Variants in CNTN4 observed in about 807,000 individuals in gnomAD.
The protein encoded by CNTN4 is contactin-4.
In CNTN4, 77 loss-of-function variants were observed where a neutral mutation model predicts 122.5. The ratio of observed to expected loss-of-function variants is 0.63; its 90% CI spans 0.52 to 0.76. The LOEUF is 0.76. Ranked by LOEUF, CNTN4 falls within the 30% of genes least tolerant of loss-of-function variation. The pLI is 0.00. For missense variants in CNTN4, 1,256 were observed against 1,259.1 expected (o/e 1.00, Z 0.04); for synonymous variants, 512 against 447.0 (o/e 1.15, Z -1.83).
At chr3:2,800,768 T>C (rs1422305768) in intron 6 of CNTN4, among the ~76,000 whole-genome samples, 13 of 152,212 alleles carry the variant, frequency 8.5e-5, no homozygotes, top group Admixed American at 8.5e-4. Flanking sequence ...ATCTTCCTTA[T>C]TCATTCTGTT....
intron 3 of CNTN4, among the ~76,000 whole-genome samples, chr3:2,433,695 C>G (rs188732876): frequency 4.6e-5 from 7 of 152,234 alleles, no homozygotes; most frequent in African/African-American, 1.7e-4. Context: ...AATCTTTGCC[C>G]AGACCAATGT....
At chr3:2,235,026 C>G (rs569978321) in intron 2 of CNTN4, among the ~76,000 whole-genome samples, 108 of 152,200 alleles carry the variant, frequency 7.1e-4, no homozygotes, top group Non-Finnish European at 1.4e-3. Flanking sequence ...TCTTATTTAT[C>G]TTGGCTTATC....
chr3:2,916,770 G>GCC (rs2094363261), intron 12 of CNTN4, among the ~76,000 whole-genome samples: 1 of 146,318 alleles, frequency 6.8e-6, no homozygotes, highest in Non-Finnish European at 1.5e-5. Context: ...CTTCCCAGTA[G>GCC]GGGCGGCCGG....
At chr3:2,941,977 C>T (rs1312507529) in intron 13 of CNTN4, among the ~76,000 whole-genome samples, 1 of 152,178 alleles carries the variant, frequency 6.6e-6, no homozygotes, top group Non-Finnish European at 1.5e-5. Context: ...TCTTCAATTT[C>T]TTCTTTGCAT....
intron 2 of CNTN4, among the ~76,000 whole-genome samples, chr3:2,182,704 C>T (rs1302001091): frequency 2.6e-5 from 4 of 152,086 alleles, no homozygotes; most frequent in African/African-American, 9.7e-5. Flanking sequence ...AATATGTCTT[C>T]CTATAATCCA....
chr3:2,933,046 TCTC>T (rs1231009039), intron 13 of CNTN4, among the ~76,000 whole-genome samples: 3 of 152,008 alleles, frequency 2.0e-5, no homozygotes, highest in Non-Finnish European at 4.4e-5. Context: ...ATGGTCTCGA[TCTC>T]CTGACCTCGT....
chr3:2,829,612 C>G (rs1317541060), intron 7 of CNTN4, among the ~76,000 whole-genome samples: 1 of 152,202 alleles, frequency 6.6e-6, no homozygotes, highest in African/African-American at 2.4e-5. Flanking sequence ...TTCTGTGATG[C>G]TACTGACATA....
chr3:2,775,213 A>G (rs2091267108), intron 6 of CNTN4, among the ~76,000 whole-genome samples: 1 of 152,230 alleles, frequency 6.6e-6, no homozygotes, highest in Non-Finnish European at 1.5e-5. Flanking sequence ...GGCTTATTTC[A>G]GAATTCAAAT....
At chr3:2,943,787 C>G (rs978963117) in intron 13 of CNTN4, among the ~76,000 whole-genome samples, 7 of 151,478 alleles carry the variant, frequency 4.6e-5, no homozygotes, top group African/African-American at 1.7e-4. Flanking sequence ...CCACACCCAG[C>G]TAATTTTTGT....
intron 6 of CNTN4, among the ~76,000 whole-genome samples, chr3:2,809,029 T>A (rs1375497904): frequency 6.6e-6 from 1 of 152,248 alleles, no homozygotes; most frequent in Non-Finnish European, 1.5e-5. Flanking sequence ...TATCAGACAC[T>A]GTTTTGGGCA....
intron 2 of CNTN4, among the ~76,000 whole-genome samples, chr3:2,189,656 A>T (rs1055803175): frequency 3.3e-5 from 5 of 152,180 alleles, no homozygotes; most frequent in African/African-American, 1.2e-4. Flanking sequence ...CCCCATTCTG[A>T]CTTTCCTCTC....
At chr3:2,501,486 G>C (rs1236232470) in intron 3 of CNTN4, among the ~76,000 whole-genome samples, 1 of 152,176 alleles carries the variant, frequency 6.6e-6, no homozygotes, top group African/African-American at 2.4e-5. Context: ...TCCTTCAGGA[G>C]GTTCTAGGGG....
intron 6 of CNTN4, 125 bp downstream of exon 6, chr3:2,745,822 C>G: frequency 3.6e-6 from 3 of 840,516 alleles, no homozygotes; most frequent in Non-Finnish European, 5.8e-6. Flanking sequence ...CATCTTTACT[C>G]TTTTTCACAT....
chr3:3,009,206 T>C (rs1696939674), intron 14 of CNTN4, among the ~76,000 whole-genome samples: 1 of 152,304 alleles, frequency 6.6e-6, no homozygotes, highest in Admixed American at 6.5e-5. Context: ...CCTCGGAGCA[T>C]TGCAGAGAGC....
chr3:2,875,488 G>A (rs1203436110), intron 8 of CNTN4, among the ~76,000 whole-genome samples: 1 of 151,982 alleles, frequency 6.6e-6, no homozygotes, highest in Non-Finnish European at 1.5e-5. Context: ...AGTATTTATG[G>A]GCCCACCACC....
intron 2 of CNTN4, among the ~76,000 whole-genome samples, chr3:2,320,061 G>T (rs1354154488): frequency 2.0e-5 from 3 of 152,154 alleles, no homozygotes; most frequent in African/African-American, 7.2e-5. Flanking sequence ...AGGAGAAAGT[G>T]CCTTAGCAAA....
intron 2 of CNTN4, among the ~76,000 whole-genome samples, chr3:2,255,813 A>G (rs2149710219): frequency 6.6e-6 from 1 of 152,334 alleles, no homozygotes; most frequent in Admixed American, 6.5e-5. Flanking sequence ...AATCTATAGC[A>G]CTAAGTGCCT....
Position 2,841,883 on chromosome 3 carries a change from T to C in CNTN4, c.454+22302T>C, listed in dbSNP as rs2093368231. On this transcript the variant is annotated intron_variant, in intron 7 of 24. Transcript: ENST00000418658. The surrounding 1 kb of genome is among the most constrained non-coding windows in gnomAD (Gnocchi z 4.8). ...AATCTTTTATATCACAGTAAGAAGC[T>C]GATCAAAGGTGTTGAAAGCTGACTG... is the stretch of plus-strand genomic sequence containing the variant. Among the ~76,000 whole-genome samples, 1 of 152,168 alleles carries C rather than the reference T, an allele frequency of 6.6e-6. No individual in the cohort carries two copies. Among genetic ancestry groups the C allele is most frequent in the African/African-American group, 2.4e-5 (1 of 41,432 alleles).
At chr3:2,998,048 G>A (rs914141689) in intron 14 of CNTN4, among the ~76,000 whole-genome samples, 1 of 152,104 alleles carries the variant, frequency 6.6e-6, no homozygotes, top group Non-Finnish European at 1.5e-5. Context: ...GGTCAAATCA[G>A]AACTGCCTTC....
Sources: gnomAD v4.1 joint callset for allele counts (sites outside exome capture counted in the v4.1 genomes callset) on GRCh38, gnomAD v4.1.1 for gene constraint, Gnocchi (gnomAD v3.1) non-coding constraint, MANE v1.5 for transcripts, NCBI Gene and HGNC (gene_info 2026-07-23, HGNC 2026-07-21) for gene names.